The following ADGRL2 variants were observed in gnomAD, a reference collection of about 807,000 sequenced individuals.
The protein encoded by ADGRL2 is adhesion G protein-coupled receptor L2.
A neutral mutation model predicts 157.4 loss-of-function variants in ADGRL2; 44 were observed. That is an observed-to-expected ratio of 0.28 (90% confidence interval 0.22 to 0.36). The LOEUF (loss-of-function observed/expected upper bound fraction) is 0.36. Among genes scored for constraint, ADGRL2 ranks in the 10% least tolerant of loss-of-function variants. The pLI is 1.00. For missense variants in ADGRL2, 1,510 were observed against 1,768.9 expected, an observed-to-expected ratio of 0.85 and a Z score of 2.63; for synonymous variants, 585 against 624.7, an observed-to-expected ratio of 0.94 and a Z score of 0.95.
At chr1:81,972,923 A>AAC (rs1290096658) in intron 17 of ADGRL2, among the ~76,000 whole-genome samples, 1 of 136,478 alleles carries the variant, frequency 7.3e-6, no homozygotes, top group Non-Finnish European at 1.6e-5. Flanking sequence ...AAAAAAAAAA[A>AAC]AAAACTTGCT....
intron 19 of ADGRL2, 97 bp downstream of exon 19, chr1:81,982,073 T>C: frequency 1.0e-6 from 1 of 974,372 alleles, no homozygotes; most frequent in Admixed American, 3.1e-5. Context: ...ATCTGGCATA[T>C]TGTTAAAGAG....
rs867486587 is a variant in ADGRL2 at position 81,984,249 on chromosome 1, A to C, written c.3283-334A>C. On this transcript the variant is annotated intron_variant, in intron 19 of 23. Transcript: ENST00000686636. ...TTTGTCCTGTTTTCTTAGCATAAAA[A>C]ATTGGAGTTACTAAATATATGAGAA... The C allele has an allele frequency of 1.2e-4, 19 of 160,148 alleles. No individual in the cohort carries two copies. In the South Asian group the frequency reaches 3.5e-3, roughly 29 times the overall value. The allele number at this position is 160,148 out of a possible 1,614,324, so 9.9% of individuals were successfully genotyped here. A position where few individuals can be genotyped will look rare whatever the true frequency, so the allele number is the denominator to read the frequency against.
At chr1:81,709,352 C>A (rs902333250) in intron 1 of ADGRL2, among the ~76,000 whole-genome samples, 8 of 152,110 alleles carry the variant, frequency 5.3e-5, no homozygotes, top group Admixed American at 5.2e-4. Context: ...CTACATCAGC[C>A]AACTGAATGG....
Position 81,981,391 on chromosome 1 carries a change from T to G in ADGRL2, c.3114-417T>G, listed in dbSNP as rs940051245. ...ATCTGAAGTTTAGGTGTTAAGTGAT[T>G]ATCTGCCATTTAACCTTTCTGTATG... is the stretch of plus-strand genomic sequence containing the variant. On this transcript the variant is annotated intron_variant, in intron 18 of 23. Transcript: ENST00000686636. 2.6e-5 allele frequency among the ~76,000 whole-genome samples: 4 copies of G among 151,952 alleles called. No homozygotes were observed. The East Asian group carries it at 5.8e-4, about 22-fold the overall frequency.
At chr1:81,745,873 T>C (rs908605898) in intron 1 of ADGRL2, among the ~76,000 whole-genome samples, 2 of 152,150 alleles carry the variant, frequency 1.3e-5, no homozygotes, top group Non-Finnish European at 2.9e-5. Context: ...TCTCAGTAAA[T>C]ACTCTTGTGA....
intron 3 of ADGRL2, among the ~76,000 whole-genome samples, chr1:81,599,502 G>C (rs952262675): frequency 1.3e-5 from 2 of 152,164 alleles, no homozygotes; most frequent in African/African-American, 4.8e-5. Flanking sequence ...CAAAAGGAGT[G>C]TGTAGATGTT....
At chr1:81,439,285 A>G (rs1230040585) in intron 1 of ADGRL2, among the ~76,000 whole-genome samples, 1 of 152,168 alleles carries the variant, frequency 6.6e-6, no homozygotes, top group Non-Finnish European at 1.5e-5. Context: ...ATTCTACCCA[A>G]GAGGTATTAC....
intron 1 of ADGRL2, among the ~76,000 whole-genome samples, chr1:81,756,478 T>C (rs778440698): frequency 6.6e-6 from 1 of 152,172 alleles, no homozygotes; most frequent in Non-Finnish European, 1.5e-5. Flanking sequence ...TCAGTAGAGA[T>C]GTCTTAAGTT....
intron 3 of ADGRL2, among the ~76,000 whole-genome samples, chr1:81,641,193 G>A (rs996702366): frequency 2.0e-5 from 3 of 152,130 alleles, no homozygotes; most frequent in African/African-American, 7.2e-5. Context: ...GAACTGCAAG[G>A]AGAAATAGAT....
chr1:81,629,237 C>T (rs1452318424), intron 3 of ADGRL2, among the ~76,000 whole-genome samples: 3 of 152,104 alleles, frequency 2.0e-5, no homozygotes, highest in Non-Finnish European at 2.9e-5. Context: ...TCCTAACAGC[C>T]TTCAAAGAGG....
chr1:81,909,080 T>C (rs2094650414), intron 3 of ADGRL2, among the ~76,000 whole-genome samples: 1 of 152,124 alleles, frequency 6.6e-6, no homozygotes, highest in Admixed American at 6.5e-5. Flanking sequence ...TTTACCATGT[T>C]GGCCAGGCTG....
At position 81,427,818 on chromosome 1, in the gene ADGRL2, A is replaced by T. The variant is rs72939093; in HGVS notation, c.-301-17218A>T. Among the ~76,000 whole-genome samples, 1,486 of 152,316 alleles carry T rather than the reference A, an allele frequency of 9.8e-3. 20 individuals are homozygous for T. Among genetic ancestry groups the T allele is most frequent in the African/African-American group, 0.034 (1,404 of 41,576 alleles). ...AGGACTGCCATAGCCATAGTTTGCA[A>T]AAAGTTCAGCTATTGATTAATGCGA... On this transcript the variant is annotated intron_variant, in intron 1 of 24. Transcript: ENST00000370721.
chr1:81,928,394 G>A (rs952109972), intron 3 of ADGRL2, among the ~76,000 whole-genome samples: 1 of 151,952 alleles, frequency 6.6e-6, no homozygotes, highest in Non-Finnish European at 1.5e-5. Flanking sequence ...GTTTATTTAT[G>A]AGCAGAAATA....
intron 3 of ADGRL2, among the ~76,000 whole-genome samples, chr1:81,625,195 A>G (rs1329569881): frequency 6.6e-6 from 1 of 152,208 alleles, no homozygotes; most frequent in African/African-American, 2.4e-5. Flanking sequence ...AATGCTTATC[A>G]GGAGAAAACC....
chr1:81,924,117 T>A (rs911370378), intron 3 of ADGRL2, among the ~76,000 whole-genome samples: 3 of 152,322 alleles, frequency 2.0e-5, no homozygotes, highest in Middle Eastern at 3.4e-3. Flanking sequence ...GCTTTCTGTA[T>A]ACCACCTGTG....
At chr1:81,902,716 G>A (rs1396453214) in intron 2 of ADGRL2, among the ~76,000 whole-genome samples, 1 of 152,152 alleles carries the variant, frequency 6.6e-6, no homozygotes, top group Non-Finnish European at 1.5e-5. Context: ...AATGAGGCAT[G>A]TCTGACCACC....
At chr1:81,858,505 G>A (rs1327497412) in intron 2 of ADGRL2, among the ~76,000 whole-genome samples, 1 of 152,076 alleles carries the variant, frequency 6.6e-6, no homozygotes, top group Non-Finnish European at 1.5e-5. Context: ...AACAAAGGTG[G>A]TATAAAAATG....
intron 1 of ADGRL2, among the ~76,000 whole-genome samples, chr1:81,755,394 A>T (rs1428529462): frequency 6.6e-6 from 1 of 151,796 alleles, no homozygotes; most frequent in Non-Finnish European, 1.5e-5. Flanking sequence ...TATGTGAGAG[A>T]TACATATAAG....
chr1:81,802,830 C>T (rs1300777904), intron 1 of ADGRL2, among the ~76,000 whole-genome samples: 2 of 152,098 alleles, frequency 1.3e-5, no homozygotes, highest in South Asian at 2.1e-4. Context: ...GTTGCTGTTC[C>T]TTCTCGTCAG....
Sources: allele counts gnomAD v4.1 joint callset (sites outside exome capture counted in the v4.1 genomes callset), GRCh38; gene constraint gnomAD v4.1.1; transcripts MANE v1.5; gene names NCBI Gene and HGNC (gene_info 2026-07-23, HGNC 2026-07-21).